TMEM135: variants seen among roughly 807,000 people sequenced by gnomAD.
TMEM135 encodes transmembrane protein 135.
TMEM135 carries 30 observed loss-of-function variants against 60.3 expected under a neutral mutation model. The ratio of observed to expected loss-of-function variants is 0.50; its 90% CI spans 0.37 to 0.68. TMEM135 has a LOEUF of 0.68. TMEM135 is among the 30% of genes least tolerant of loss of function. The pLI is 0.00. For synonymous variants in TMEM135, 190 were observed against 186.7 expected (o/e 1.02, Z -0.14); for missense variants, 468 against 548.8 (o/e 0.85, Z 1.47).
At chr11:87,075,000 T>C in intron 3 of TMEM135, among the ~76,000 whole-genome samples, 1 of 152,158 alleles carries the variant, frequency 6.6e-6, no homozygotes, top group East Asian at 1.9e-4. Context: ...AATGCAGTGA[T>C]GTGATCATAG....
intron 6 of TMEM135, among the ~76,000 whole-genome samples, chr11:87,244,939 T>C (rs1941229612): frequency 6.6e-6 from 1 of 151,718 alleles, no homozygotes; most frequent in South Asian, 2.1e-4. Context: ...TTAATTGCGA[T>C]GTTCGGGTGT....
At chr11:87,083,409 T>G (rs1263106381) in intron 3 of TMEM135, among the ~76,000 whole-genome samples, 2 of 152,226 alleles carry the variant, frequency 1.3e-5, no homozygotes, top group African/African-American at 4.8e-5. Flanking sequence ...GCTGTGGAAT[T>G]TGCTTTGATA....
chr11:87,062,065 G>C (rs1459066913), intron 1 of TMEM135, among the ~76,000 whole-genome samples: 1 of 152,064 alleles, frequency 6.6e-6, no homozygotes, highest in Non-Finnish European at 1.5e-5. Flanking sequence ...GAGTACGGTG[G>C]CACAATCTCG....
chr11:87,136,988 G>T (rs1489260197), intron 4 of TMEM135, among the ~76,000 whole-genome samples: 1 of 151,946 alleles, frequency 6.6e-6, no homozygotes, highest in Non-Finnish European at 1.5e-5. Flanking sequence ...ACATCAATTA[G>T]ATCAAGTTGA....
rs368037567 is a variant in TMEM135, at chr11:87,038,115, C to G, written c.70C>G (p.Arg24Gly). 11 of 1,614,160 alleles carry G rather than the reference C, an allele frequency of 6.8e-6. No homozygotes were observed. The South Asian group carries it at 1.2e-4, about 18-fold the overall frequency. The stretch of plus-strand genomic sequence containing the variant: ...CGGCCACACTTGGCACCCTTCCTGC[C>G]GGGTCTCCTTCCTGCAGATCACCGG... ...EIGHTWHPSC[R>G]VSFLQITGGA... The change falls in exon 1 of 15, where the codon CGG (arginine) becomes GGG (glycine). Residue 24 changes from arginine to glycine, a missense_variant. By Grantham distance (125) the Arg-to-Gly change is moderately radical (BLOSUM62 -2). Coordinates refer to ENST00000305494, the MANE Select transcript of TMEM135 (RefSeq NM_022918.4).
At chr11:87,287,400 C>T (rs1231705416) in intron 6 of TMEM135, among the ~76,000 whole-genome samples, 1 of 152,146 alleles carries the variant, frequency 6.6e-6, no homozygotes, top group Non-Finnish European at 1.5e-5. Context: ...GTTTTTTGGC[C>T]GGGCGCAGTG....
chr11:87,178,406 C>T (rs4944672), intron 5 of TMEM135: 61,668 of 455,928 alleles, frequency 0.14, 4,944 homozygotes, highest in African/African-American at 0.27. Context: ...AATATATGCC[C>T]TTTTGAGTCT....
intron 3 of TMEM135, among the ~76,000 whole-genome samples, chr11:87,080,589 C>T (rs1856969245): frequency 6.6e-6 from 1 of 152,092 alleles, no homozygotes; most frequent in Non-Finnish European, 1.5e-5. Flanking sequence ...GTTACCATTT[C>T]TTCATGATGT....
intron 4 of TMEM135, among the ~76,000 whole-genome samples, chr11:87,115,308 G>C (rs968492497): frequency 3.3e-5 from 5 of 152,026 alleles, no homozygotes; most frequent in African/African-American, 1.2e-4. Context: ...GGTCATTTTA[G>C]TTTATAAGCA....
intron 7 of TMEM135, among the ~76,000 whole-genome samples, chr11:87,300,795 G>A (rs1023558462): frequency 6.6e-6 from 1 of 152,204 alleles, no homozygotes; most frequent in Admixed American, 6.5e-5. Context: ...AAAATGGCAC[G>A]TACATTACTG....
At chr11:87,218,162 C>A (rs1398985887) in intron 5 of TMEM135, among the ~76,000 whole-genome samples, 1 of 152,064 alleles carries the variant, frequency 6.6e-6, no homozygotes, top group Non-Finnish European at 1.5e-5. Flanking sequence ...TACAAGACAG[C>A]CCTTCTTCCC....
chr11:87,144,087 A>G (rs896835623), intron 4 of TMEM135, among the ~76,000 whole-genome samples: 1 of 152,178 alleles, frequency 6.6e-6, no homozygotes, highest in African/African-American at 2.4e-5. Context: ...TAAAATTTCA[A>G]AACTAATATA....
chr11:87,278,984 ATT>A (rs34112632), intron 6 of TMEM135, among the ~76,000 whole-genome samples: 15 of 148,430 alleles, frequency 1.0e-4, no homozygotes, highest in South Asian at 2.1e-4. Context: ...GCTTCTCAGC[ATT>A]TTTTTTTTTT....
chr11:87,202,464 T>C (rs565963458), intron 5 of TMEM135, among the ~76,000 whole-genome samples: 10 of 152,266 alleles, frequency 6.6e-5, no homozygotes, highest in Admixed American at 5.9e-4. Context: ...CAGCTGGGAC[T>C]ACACACATGC....
At chr11:87,188,770 A>C (rs1317830847) in intron 5 of TMEM135, among the ~76,000 whole-genome samples, 3 of 152,100 alleles carry the variant, frequency 2.0e-5, no homozygotes, top group African/African-American at 7.2e-5. Flanking sequence ...AAATATGTAA[A>C]AATGTATAAA....
At chr11:87,207,539 A>T (rs187439667) in intron 5 of TMEM135, among the ~76,000 whole-genome samples, 2 of 152,328 alleles carry the variant, frequency 1.3e-5, no homozygotes, top group East Asian at 3.9e-4. Context: ...AGATATGATA[A>T]TAATCATCAC....
intron 4 of TMEM135, among the ~76,000 whole-genome samples, chr11:87,107,897 A>G (rs537748787): frequency 4.7e-4 from 72 of 152,126 alleles, no homozygotes; most frequent in South Asian, 3.5e-3. Flanking sequence ...AAGTGTTCCT[A>G]TTTCTCCACA....
intron 5 of TMEM135, among the ~76,000 whole-genome samples, chr11:87,166,732 G>A (rs1311251175): frequency 1.4e-5 from 2 of 146,144 alleles, no homozygotes; most frequent in African/African-American, 2.6e-5. Flanking sequence ...TTGAAGTAAG[G>A]TAGTGTGATG....
intron 3 of TMEM135, 107 bp downstream of exon 3, chr11:87,071,722 A>G (rs1203068389): frequency 2.9e-6 from 2 of 699,018 alleles, no homozygotes; most frequent in Non-Finnish European, 4.6e-6. Context: ...ATATTTCTAG[A>G]TATATTTTTT....
Sources: gnomAD v4.1 joint callset for allele counts (sites outside exome capture counted in the v4.1 genomes callset) on GRCh38, gnomAD v4.1.1 for gene constraint, MANE v1.5 for transcripts, NCBI Gene and HGNC (gene_info 2026-07-23, HGNC 2026-07-21) for gene names.